SOX5: variants seen among roughly 807,000 people sequenced by gnomAD.
SOX5 encodes the protein SRY-box transcription factor 5.
In SOX5, 9 loss-of-function variants were observed where a neutral mutation model predicts 92.0. That is an observed-to-expected ratio of 0.10 (90% CI 0.06 to 0.17). The LOEUF (loss-of-function observed/expected upper bound fraction) is 0.17. Ranked by LOEUF, SOX5 falls within the 10% of genes least tolerant of loss-of-function variation. SOX5 has a pLI of 1.00. For missense variants in SOX5, 642 were observed against 944.5 expected, an observed-to-expected ratio of 0.68 and a Z score of 4.20; for synonymous variants, 344 against 336.3, an observed-to-expected ratio of 1.02 and a Z score of -0.25.
intron 3 of SOX5, among the ~76,000 whole-genome samples, chr12:23,765,597 T>G (rs1393442275): frequency 6.6e-6 from 1 of 151,920 alleles, no homozygotes; most frequent in Non-Finnish European, 1.5e-5. Flanking sequence ...ATAAAGGCAG[T>G]GGTTATAAAA....
chr12:24,128,670 A>G (rs1001918576), intron 4 of SOX5, among the ~76,000 whole-genome samples: 2 of 152,208 alleles, frequency 1.3e-5, no homozygotes, highest in African/African-American at 4.8e-5. Context: ...GAAGTGACAG[A>G]GGTAAGCAGA....
intron 1 of SOX5, among the ~76,000 whole-genome samples, chr12:24,537,268 A>G (rs577718840): frequency 6.6e-6 from 1 of 152,358 alleles, no homozygotes; most frequent in East Asian, 1.9e-4. Context: ...TGATAAGAAC[A>G]ACCAAAGTTT....
chr12:24,509,500 G>C (rs1454439384), intron 1 of SOX5, among the ~76,000 whole-genome samples: 2 of 152,124 alleles, frequency 1.3e-5, no homozygotes, highest in African/African-American at 4.8e-5. Flanking sequence ...GAATTTATTT[G>C]TGCCAGTATT....
intron 2 of SOX5, among the ~76,000 whole-genome samples, chr12:23,884,760 A>T (rs11047147): frequency 6.6e-6 from 1 of 152,208 alleles, no homozygotes; most frequent in Non-Finnish European, 1.5e-5. Flanking sequence ...AATGTTTTCC[A>T]TCTGTAAATT....
At chr12:24,228,631 T>A (rs1419785983) in intron 3 of SOX5, among the ~76,000 whole-genome samples, 2 of 152,210 alleles carry the variant, frequency 1.3e-5, no homozygotes, top group African/African-American at 4.8e-5. Context: ...GCATCTTCCT[T>A]TCTTTGCAGA....
At chr12:24,524,086 G>A (rs1950486333) in intron 1 of SOX5, among the ~76,000 whole-genome samples, 1 of 152,228 alleles carries the variant, frequency 6.6e-6, no homozygotes, top group African/African-American at 2.4e-5. Flanking sequence ...TGTTTCAAGA[G>A]GAGACTGGCA....
At chr12:23,716,525 T>TC (rs1367413269) in intron 6 of SOX5, among the ~76,000 whole-genome samples, 2 of 152,224 alleles carry the variant, frequency 1.3e-5, no homozygotes, top group East Asian at 3.8e-4. Context: ...TCTCTCTGGC[T>TC]CTTTCTTCTT....
intron 4 of SOX5, among the ~76,000 whole-genome samples, chr12:24,018,058 C>T (rs1953861631): frequency 6.6e-6 from 1 of 152,142 alleles, no homozygotes; most frequent in South Asian, 2.1e-4. Flanking sequence ...AACCTATATA[C>T]ACATGCTCAA....
At chr12:24,079,787 T>A (rs1943102206) in intron 4 of SOX5, among the ~76,000 whole-genome samples, 1 of 151,934 alleles carries the variant, frequency 6.6e-6, no homozygotes. Flanking sequence ...ATTGAGCTGG[T>A]CAACTCTTCT....
intron 7 of SOX5, among the ~76,000 whole-genome samples, chr12:23,656,926 G>A (rs773617982): frequency 5.6e-4 from 85 of 151,984 alleles, no homozygotes; most frequent in Non-Finnish European, 1.1e-3. Flanking sequence ...TCCATTGTTT[G>A]AGGTTGTTGC....
intron 3 of SOX5, among the ~76,000 whole-genome samples, chr12:24,236,952 T>C (rs1462201823): frequency 2.6e-5 from 4 of 151,870 alleles, no homozygotes; most frequent in Non-Finnish European, 5.9e-5. Flanking sequence ...GTGAATCCTC[T>C]AGAAGCCTAA....
intron 1 of SOX5, among the ~76,000 whole-genome samples, chr12:23,914,006 C>A (rs936637081): frequency 1.3e-5 from 2 of 152,118 alleles, no homozygotes; most frequent in Non-Finnish European, 1.5e-5. Context: ...GTAACTCAAC[C>A]TTCAGTTTGT....
At chr12:23,864,238 A>T (rs748467581) in intron 2 of SOX5, among the ~76,000 whole-genome samples, 4 of 152,136 alleles carry the variant, frequency 2.6e-5, no homozygotes, top group Non-Finnish European at 5.9e-5. Flanking sequence ...TGTTCTGACT[A>T]CACCATTGAC....
chr12:23,534,548 G>T (rs1451386366), intron 14 of SOX5, 26 bp from the exon 15 acceptor site: 1 of 1,584,650 alleles, frequency 6.3e-7, no homozygotes, highest in South Asian at 1.1e-5. Flanking sequence ...TTTCCAAAAA[G>T]ACATCGTGGG....
chr12:24,473,262 A>T (rs1161191267), intron 1 of SOX5, among the ~76,000 whole-genome samples: 1 of 152,192 alleles, frequency 6.6e-6, no homozygotes, highest in African/African-American at 2.4e-5. Context: ...AAGAGGAAAA[A>T]AAAAAGCTCT....
chr12:24,082,595 T>C (rs1203312915), intron 4 of SOX5, among the ~76,000 whole-genome samples: 3 of 151,684 alleles, frequency 2.0e-5, no homozygotes, highest in East Asian at 1.9e-4. Context: ...GGTGCCCTTA[T>C]TGGAAATACC....
intron 3 of SOX5, among the ~76,000 whole-genome samples, chr12:23,772,728 C>G (rs2094973486): frequency 6.6e-6 from 1 of 152,030 alleles, no homozygotes; most frequent in African/African-American, 2.4e-5. Context: ...TAGTATATAC[C>G]TAATATACCT....
intron 2 of SOX5, among the ~76,000 whole-genome samples, chr12:24,360,049 A>G (rs150414563): frequency 8.3e-4 from 127 of 152,360 alleles, no homozygotes; most frequent in Non-Finnish European, 1.3e-3. Flanking sequence ...GCTGAATAAA[A>G]TAAGGGAAGG....
chr12:24,142,785 C>T (rs142779076), intron 4 of SOX5, among the ~76,000 whole-genome samples: 51 of 151,180 alleles, frequency 3.4e-4, no homozygotes, highest in African/African-American at 1.1e-3. Flanking sequence ...AGCTGGTAAA[C>T]GCCACCTTAG....
Sources: gnomAD v4.1 joint callset for allele counts (sites outside exome capture counted in the v4.1 genomes callset) on GRCh38, gnomAD v4.1.1 for gene constraint, MANE v1.5 for transcripts, NCBI Gene and HGNC (gene_info 2026-07-23, HGNC 2026-07-21) for gene names.